Variants in ZDHHC17 observed in about 807,000 individuals in gnomAD.
ZDHHC17 encodes the protein palmitoyltransferase ZDHHC17.
In ZDHHC17, 40 loss-of-function variants were observed where a neutral mutation model predicts 90.3. The ratio of observed to expected loss-of-function variants is 0.44; its 90% confidence interval spans 0.34 to 0.58. The LOEUF is 0.58. Among genes scored for constraint, ZDHHC17 ranks in the 20% least tolerant of loss-of-function variants. The pLI is 0.01. For missense variants in ZDHHC17, 614 were observed against 780.8 expected (o/e 0.79, Z 2.55); for synonymous variants, 235 against 252.4 (o/e 0.93, Z 0.65).
At chr12:76,839,708 A>G (rs1234709271) in intron 10 of ZDHHC17, among the ~76,000 whole-genome samples, 3 of 152,220 alleles carry the variant, frequency 2.0e-5, no homozygotes, top group Non-Finnish European at 4.4e-5. Context: ...AAAAGCAAAA[A>G]TGTAAATTAA....
intron 10 of ZDHHC17, among the ~76,000 whole-genome samples, chr12:76,841,466 AC>A (rs1424110959): frequency 1.3e-5 from 2 of 152,064 alleles, no homozygotes; most frequent in Non-Finnish European, 2.9e-5. Context: ...TATATTTCTT[AC>A]GTTTTTATGA....
chr12:76,766,491 T>C (rs1565752137), intron 1 of ZDHHC17, among the ~76,000 whole-genome samples: 1 of 152,210 alleles, frequency 6.6e-6, no homozygotes, highest in Non-Finnish European at 1.5e-5. Flanking sequence ...ATAGCGAGGA[T>C]TAACTGAGAT....
chr12:76,836,335 A>T (rs1363690425), intron 10 of ZDHHC17, among the ~76,000 whole-genome samples: 1 of 95,548 alleles, frequency 1.0e-5, no homozygotes, highest in Non-Finnish European at 2.3e-5. Context: ...TATTTGACTC[A>T]ATTGTATATA....
At chr12:76,803,249 T>A (rs1952912911) in intron 2 of ZDHHC17, among the ~76,000 whole-genome samples, 2 of 151,866 alleles carry the variant, frequency 1.3e-5, no homozygotes, top group African/African-American at 4.8e-5. Flanking sequence ...TGAGACCCTG[T>A]CTCAAAAAAG....
chr12:76,813,772 C>G (rs1043576018), intron 5 of ZDHHC17, among the ~76,000 whole-genome samples: 2 of 152,052 alleles, frequency 1.3e-5, no homozygotes, highest in African/African-American at 2.4e-5. Flanking sequence ...ATGTTCTCAG[C>G]TGTTGACTAG....
intron 12 of ZDHHC17, chr12:76,845,297 T>G (rs1422458410): frequency 6.6e-6 from 1 of 152,250 alleles, no homozygotes; most frequent in Non-Finnish European, 1.5e-5. Flanking sequence ...AAGGAATAAT[T>G]TTATTTTATT....
At chr12:76,786,784 GAA>G (rs35360215) in intron 1 of ZDHHC17, among the ~76,000 whole-genome samples, 4 of 151,090 alleles carry the variant, frequency 2.6e-5, no homozygotes, top group Admixed American at 6.6e-5. Context: ...TGGTGGAAAG[GAA>G]AAAAAAATCT....
intron 15 of ZDHHC17, among the ~76,000 whole-genome samples, chr12:76,848,942 T>A (rs2137809532): frequency 6.6e-6 from 1 of 151,916 alleles, no homozygotes; most frequent in South Asian, 2.1e-4. Context: ...TTTATCTTTA[T>A]CCTAGTTTTC....
rs550753218 is a variant in ZDHHC17, at chr12:76,826,140, G to A, written c.898-768G>A. Among the ~76,000 whole-genome samples the A allele has an allele frequency of 2.6e-5, 4 of 152,194 alleles. No homozygotes were observed. In the East Asian group the frequency reaches 5.8e-4, roughly 22 times the overall value. On this transcript the variant is annotated intron_variant, in intron 8 of 16. Transcript: ENST00000426126. Reference sequence around the variant, plus strand: ...TGCCTTGAATATCTTACATAGTTTTGTGACCTAAGGTAACTGAACAGAGAC... The same window carrying A: ...TGCCTTGAATATCTTACATAGTTTTATGACCTAAGGTAACTGAACAGAGAC...
chr12:76,769,640 T>C (rs377684225), intron 1 of ZDHHC17, among the ~76,000 whole-genome samples: 4 of 152,132 alleles, frequency 2.6e-5, no homozygotes, highest in Non-Finnish European at 4.4e-5. Context: ...AATAATAATC[T>C]AGATTTTAAA....
At chr12:76,791,142 G>GT (rs1172199780) in intron 1 of ZDHHC17, among the ~76,000 whole-genome samples, 2 of 152,174 alleles carry the variant, frequency 1.3e-5, no homozygotes, top group Non-Finnish European at 2.9e-5. Context: ...CAGGTAGGTT[G>GT]TAAGAGTCTG....
chr12:76,803,386 G>A (rs4761447), intron 2 of ZDHHC17, among the ~76,000 whole-genome samples: 93,382 of 152,088 alleles, frequency 0.61, 28,720 homozygotes, highest in East Asian at 0.67. Context: ...CTCGTTCTCT[G>A]TAGGGAATAT....
At chr12:76,764,934 T>C (rs1162618580) in intron 1 of ZDHHC17, 1 of 443,788 alleles carries the variant, frequency 2.3e-6, no homozygotes, top group African/African-American at 2.0e-5. Context: ...CACATTAGCT[T>C]GTCAAAGTAC....
intron 1 of ZDHHC17, among the ~76,000 whole-genome samples, chr12:76,765,380 C>T (rs1040157861): frequency 1.3e-5 from 2 of 152,238 alleles, no homozygotes; most frequent in Non-Finnish European, 2.9e-5. Flanking sequence ...CAACCACCCT[C>T]TCATTCGTCA....
intron 10 of ZDHHC17, among the ~76,000 whole-genome samples, chr12:76,837,029 G>A (rs11115655): frequency 0.011 from 1,689 of 152,222 alleles, 11 homozygotes; most frequent in Non-Finnish European, 0.017. Flanking sequence ...CTGAAGAGTG[G>A]ACACTACATT....
rs1249899411 is a variant in ZDHHC17 at position 76,852,124 on chromosome 12, G to C, written c.*1139G>C. ...CAGTTTTAGAAAAAATTTTCTTTTT[G>C]TTAAATGTGATGCACTGATCAATTT... On this transcript the variant is annotated 3_prime_UTR_variant, in exon 17 of 17. Transcript: ENST00000426126. 1 of 152,534 alleles carries C rather than the reference G, an allele frequency of 6.6e-6. No homozygotes were observed. The highest frequency in any genetic ancestry group is 1.5e-5 in the Non-Finnish European group (1 of 68,002). The allele number at this position is 152,534 out of a possible 1,614,324, so 9.4% of individuals were successfully genotyped here.
intron 5 of ZDHHC17, among the ~76,000 whole-genome samples, chr12:76,810,490 A>G (rs546840646): frequency 6.6e-6 from 1 of 152,326 alleles, no homozygotes; most frequent in Admixed American, 6.5e-5. Flanking sequence ...GGATCTCATC[A>G]CAAGAATAAC....
chr12:76,801,268 AT>A (rs1406474967), intron 2 of ZDHHC17, among the ~76,000 whole-genome samples: 1 of 151,172 alleles, frequency 6.6e-6, no homozygotes, highest in Non-Finnish European at 1.5e-5. Flanking sequence ...GTTTAGTTCA[AT>A]TTTTGTAGTG....
intron 3 of ZDHHC17, among the ~76,000 whole-genome samples, chr12:76,807,324 T>G (rs755593106): frequency 6.6e-5 from 10 of 152,224 alleles, no homozygotes; most frequent in Non-Finnish European, 1.2e-4. Context: ...TTCTGCAATG[T>G]ATTTATATTG....
Sources: gnomAD v4.1 joint callset for allele counts (sites outside exome capture counted in the v4.1 genomes callset) on GRCh38, gnomAD v4.1.1 for gene constraint, MANE v1.5 for transcripts, NCBI Gene and HGNC (gene_info 2026-07-23, HGNC 2026-07-21) for gene names.